Variants in NRIP1 observed in about 807,000 individuals in gnomAD.
NRIP1 encodes nuclear receptor interacting protein 1, also known as nuclear receptor-interacting protein 1.
Under a neutral mutation model 75.0 loss-of-function variants are expected in NRIP1, and 28 were observed. That is an observed-to-expected ratio of 0.37 (90% confidence interval 0.28 to 0.51). The LOEUF (loss-of-function observed/expected upper bound fraction) is 0.51. Ranked by LOEUF, NRIP1 falls within the 20% of genes least tolerant of loss-of-function variation. The pLI, the probability that NRIP1 is intolerant of heterozygous loss-of-function variation, is 0.92. For missense variants in NRIP1, 1,435 were observed against 1,343.7 expected, an observed-to-expected ratio of 1.07 and a Z score of -1.06; for synonymous variants, 526 against 487.6, an observed-to-expected ratio of 1.08 and a Z score of -1.04.
intron 3 of NRIP1, among the ~76,000 whole-genome samples, chr21:14,985,821 CTAGA>C (rs2087384461): frequency 6.6e-6 from 1 of 152,050 alleles, no homozygotes; most frequent in Admixed American, 6.6e-5. Context: ...ATTACCTCCC[CTAGA>C]TAAAGATGAA....
chr21:14,976,150 C>A (rs1243505856), intron 3 of NRIP1, among the ~76,000 whole-genome samples: 1 of 152,092 alleles, frequency 6.6e-6, no homozygotes, highest in Admixed American at 6.5e-5. Flanking sequence ...AAATTATAAA[C>A]AGAATCTTCC....
At chr21:15,031,290 G>T (rs75811251) in intron 2 of NRIP1, among the ~76,000 whole-genome samples, 2 of 126,362 alleles carry the variant, frequency 1.6e-5, no homozygotes, top group East Asian at 3.2e-4. Context: ...CTGGAAGGCG[G>T]TTGGAGGTTC....
intron 2 of NRIP1, among the ~76,000 whole-genome samples, chr21:15,041,360 T>TA (rs1190570587): frequency 6.6e-6 from 1 of 152,104 alleles, no homozygotes; most frequent in Non-Finnish European, 1.5e-5. Flanking sequence ...ATACACAAAT[T>TA]ACAATAAGCC....
chr21:15,065,780 A>C (rs1370904105), upstream of NRIP1: 2 of 152,372 alleles, frequency 1.3e-5, no homozygotes, highest in Non-Finnish European at 2.9e-5. Flanking sequence ...GAGCAGGGTT[A>C]ATCCTCGGCT....
intron 3 of NRIP1, among the ~76,000 whole-genome samples, chr21:15,012,350 G>A (rs908602766): frequency 6.7e-6 from 1 of 149,350 alleles, no homozygotes; most frequent in Non-Finnish European, 1.5e-5. Context: ...ATCTAAAAAC[G>A]TTTAAAAATA....
At chr21:14,990,469 T>G (rs1655838215) in intron 3 of NRIP1, among the ~76,000 whole-genome samples, 1 of 152,156 alleles carries the variant, frequency 6.6e-6, no homozygotes, top group African/African-American at 2.4e-5. Context: ...TGAGCAAGGT[T>G]GAAGAGACTT....
intron 2 of NRIP1, among the ~76,000 whole-genome samples, chr21:15,027,031 C>A (rs2088537769): frequency 6.6e-6 from 1 of 151,856 alleles, no homozygotes; most frequent in South Asian, 2.1e-4. Context: ...CCCACAAAAA[C>A]TAAATTAAAA....
At chr21:15,047,259 C>T (rs1428560264) in intron 1 of NRIP1, among the ~76,000 whole-genome samples, 2 of 150,592 alleles carry the variant, frequency 1.3e-5, no homozygotes, top group South Asian at 2.1e-4. Context: ...CATCAGATCT[C>T]GGCCGGGCGC....
Position 15,064,925 on chromosome 21 carries a change from G to A in NRIP1, c.-718C>T, listed in dbSNP as rs943330350. ...GCGCGCGGGTGGCGGGCGGGCGTGG[G>A]GCCGGGTCGTCCCTGCGCCTCGCCG... On this transcript the variant is annotated 5_prime_UTR_variant, in exon 1 of 4. Coordinates refer to ENST00000318948, the MANE Select transcript of NRIP1 (RefSeq NM_003489.4). 6.7e-6 allele frequency: 1 copy of A among 148,928 alleles called. No individual in the cohort carries two copies. The highest frequency in any genetic ancestry group is 2.0e-4 in the East Asian group (1 of 5,086). The allele number at this position is 148,928 out of a possible 1,614,324, so 9.2% of individuals were successfully genotyped here.
intron 2 of NRIP1, among the ~76,000 whole-genome samples, chr21:15,026,539 T>C (rs1188113178): frequency 1.3e-5 from 2 of 152,152 alleles, no homozygotes; most frequent in Non-Finnish European, 2.9e-5. Context: ...CCCTAGAGTC[T>C]TGCACATCTT....
intron 2 of NRIP1, among the ~76,000 whole-genome samples, chr21:15,024,574 G>GTGTC (rs1180350772): frequency 6.7e-6 from 1 of 150,330 alleles, no homozygotes; most frequent in African/African-American, 2.5e-5. Flanking sequence ...CAGAGTGTGT[G>GTGTC]TGTGTGTGTG....
At chr21:14,989,097 G>C (rs2087495288) in intron 3 of NRIP1, among the ~76,000 whole-genome samples, 1 of 152,170 alleles carries the variant, frequency 6.6e-6, no homozygotes, top group African/African-American at 2.4e-5. Flanking sequence ...AGGGGCTTCT[G>C]TTCCCTGTAA....
Position 14,967,737 on chromosome 21 carries a change from T to G in NRIP1, c.456A>C (p.Gln152His), listed in dbSNP as rs143752069. Residue 152 changes from glutamine to histidine, a missense_variant, in exon 4 of 4, where the codon CAA (glutamine) becomes CAC (histidine). Gln to His is a conservative substitution (Grantham distance 24). Coordinates refer to ENST00000318948, the MANE Select transcript of NRIP1 (RefSeq NM_003489.4). ...CTTGCTCCTTGAGGCTCTGCCTGAT[T>G]TGTTGTGACAGAGCAACAGTCTGCA... ...SRLQTVALSQ[Q>H]IRQSLKEQGY... The G allele has an allele frequency of 1.5e-5, 24 of 1,614,076 alleles. No homozygotes were observed. Among genetic ancestry groups the G allele is most frequent in the Non-Finnish European group, 1.9e-5 (22 of 1,180,044 alleles).
chr21:14,997,644 C>A (rs1384331971), intron 3 of NRIP1, among the ~76,000 whole-genome samples: 3 of 150,630 alleles, frequency 2.0e-5, no homozygotes, highest in Admixed American at 2.0e-4. Context: ...ACACACAAAC[C>A]CACAAAAATA....
rs1352398288 is a variant in NRIP1 at position 14,962,171 on chromosome 21, G to A, written c.*2545C>T. 3 of 151,420 alleles carry A rather than the reference G, an allele frequency of 2.0e-5. No individual in the cohort carries two copies. Among genetic ancestry groups the A allele is most frequent in the Admixed American group, 6.6e-5 (1 of 15,158 alleles). 9.4% of individuals were successfully genotyped at this position (151,420 alleles called of 1,614,324 possible). On this transcript the variant is annotated 3_prime_UTR_variant, in exon 4 of 4. Transcript: ENST00000318948. ...ACAAATGACTTTATTAGAAGAAATT[G>A]TCTAGATATCTAAAATAGTCCTTGA...
chr21:15,032,801 A>C (rs1385393611), intron 2 of NRIP1, among the ~76,000 whole-genome samples: 1 of 152,246 alleles, frequency 6.6e-6, no homozygotes, highest in Non-Finnish European at 1.5e-5. Context: ...TAAGACTGGA[A>C]TTAAAAGTCT....
Position 14,965,635 on chromosome 21 carries a change from C to A in NRIP1, c.2558G>T (p.Cys853Phe), listed in dbSNP as rs771165207. 1.2e-6 allele frequency: 2 copies of A among 1,613,232 alleles called. No individual in the cohort carries two copies. The highest frequency in any genetic ancestry group is 1.7e-6 in the Non-Finnish European group (2 of 1,179,894). ...AAGCTTCCTTTTCTTAGGGACCATGCAAAGATTCTTTGATTCTAGAAGTGC... is the reference window on the plus strand; with the variant it reads ...AAGCTTCCTTTTCTTAGGGACCATGAAAAGATTCTTTGATTCTAGAAGTGC... ...EMALLESKNLCMVPKKRKLYT... is the reference protein window; with the variant it reads ...EMALLESKNLFMVPKKRKLYT... Residue 853 changes from cysteine (C) to phenylalanine (F), a missense_variant, in exon 4 of 4, where the codon TGC (cysteine) becomes TTC (phenylalanine). Cys to Phe is a radical substitution (Grantham distance 205). Transcript: ENST00000318948.
At chr21:15,042,454 T>C (rs890903860) in intron 2 of NRIP1, among the ~76,000 whole-genome samples, 2 of 152,194 alleles carry the variant, frequency 1.3e-5, no homozygotes, top group African/African-American at 4.8e-5. Flanking sequence ...CCATATGTGA[T>C]CTATGAGGTA....
chr21:15,048,437 T>C (rs1290162475), intron 1 of NRIP1, among the ~76,000 whole-genome samples: 1 of 152,176 alleles, frequency 6.6e-6, no homozygotes, highest in Non-Finnish European at 1.5e-5. Flanking sequence ...AAGTCAAAGA[T>C]ATCTAGAATC....
Sources: allele counts gnomAD v4.1 joint callset (sites outside exome capture counted in the v4.1 genomes callset), GRCh38; gene constraint gnomAD v4.1.1; transcripts MANE v1.5; gene names NCBI Gene and HGNC (gene_info 2026-07-23, HGNC 2026-07-21).